The following TBC1D22A variants were observed in gnomAD, a reference collection of about 807,000 sequenced individuals.
The protein encoded by TBC1D22A is TBC1 domain family member 22A, also known as putative GTPase activator.
TBC1D22A carries 38 observed loss-of-function variants against 60.2 expected under a neutral mutation model. The observed-to-expected ratio is 0.63, with a 90% CI of 0.49 to 0.83. TBC1D22A has a LOEUF of 0.83. TBC1D22A is among the 40% of genes least tolerant of loss of function. TBC1D22A has a pLI of 0.00. For synonymous variants in TBC1D22A, 302 were observed against 281.7 expected (o/e 1.07, Z -0.72); for missense variants, 628 against 701.0 (o/e 0.90, Z 1.18).
chr22:46,854,143 C>T (rs1454244987), intron 4 of TBC1D22A, among the ~76,000 whole-genome samples: 1 of 152,200 alleles, frequency 6.6e-6, no homozygotes, highest in Non-Finnish European at 1.5e-5. Context: ...CCTCATTGCC[C>T]AGTGTCCGTG....
chr22:47,066,140 C>T (rs186665428), intron 11 of TBC1D22A, among the ~76,000 whole-genome samples: 2 of 152,360 alleles, frequency 1.3e-5, no homozygotes, highest in East Asian at 3.9e-4. Context: ...ATTTTGGGAA[C>T]TAAGCTGCTG....
At chr22:46,906,411 G>A (rs1107131) in intron 7 of TBC1D22A, among the ~76,000 whole-genome samples, 60,021 of 151,884 alleles carry the variant, frequency 0.4, 14,191 homozygotes, top group East Asian at 0.66. Flanking sequence ...TTTAGGATAG[G>A]TTAGCTGCCT....
At chr22:46,812,705 AG>A (rs943060412) in intron 4 of TBC1D22A, among the ~76,000 whole-genome samples, 2 of 152,246 alleles carry the variant, frequency 1.3e-5, no homozygotes, top group African/African-American at 4.8e-5. Context: ...TTGAAGATGC[AG>A]CCAGGTAACT....
chr22:47,115,459 C>T (rs2066006355), intron 12 of TBC1D22A, among the ~76,000 whole-genome samples: 2 of 151,734 alleles, frequency 1.3e-5, no homozygotes, highest in Admixed American at 1.3e-4. Context: ...ACAGCATGGA[C>T]TGTGCCTTCC....
At chr22:46,999,409 T>G (rs1258282232) in intron 10 of TBC1D22A, among the ~76,000 whole-genome samples, 2 of 152,196 alleles carry the variant, frequency 1.3e-5, no homozygotes, top group Admixed American at 6.5e-5. Context: ...GTTGAGAGGT[T>G]AAACTGTCTA....
At chr22:46,849,178 A>G (rs1300487789) in intron 4 of TBC1D22A, among the ~76,000 whole-genome samples, 1 of 152,134 alleles carries the variant, frequency 6.6e-6, no homozygotes, top group African/African-American at 2.4e-5. Flanking sequence ...TTCTGTGGCA[A>G]TGCTGTCTGC....
intron 8 of TBC1D22A, among the ~76,000 whole-genome samples, chr22:46,924,679 A>G (rs953062518): frequency 4.6e-5 from 7 of 152,082 alleles, no homozygotes; most frequent in Admixed American, 2.6e-4. Context: ...CGGGAGGTGG[A>G]GGTTGCAGTG....
intron 12 of TBC1D22A, among the ~76,000 whole-genome samples, chr22:47,128,889 A>G (rs981398381): frequency 2.0e-5 from 3 of 152,336 alleles, no homozygotes; most frequent in East Asian, 1.9e-4. Context: ...GGCAATATGC[A>G]TGAGGCAGGC....
intron 12 of TBC1D22A, chr22:47,116,942 AG>A (rs1358440035): frequency 6.6e-6 from 1 of 152,418 alleles, no homozygotes; most frequent in Non-Finnish European, 1.5e-5. Context: ...TCTGCTCTCA[AG>A]GGGCAGGGCG....
intron 9 of TBC1D22A, 95 bp downstream of exon 9, chr22:46,974,494 C>T: frequency 2.0e-6 from 2 of 981,764 alleles, no homozygotes; most frequent in Non-Finnish European, 3.1e-6. Flanking sequence ...CTCAGTGTGG[C>T]CATGCAGTCC....
At chr22:46,983,040 G>A (rs1476286505) in intron 9 of TBC1D22A, among the ~76,000 whole-genome samples, 2 of 152,230 alleles carry the variant, frequency 1.3e-5, no homozygotes, top group African/African-American at 2.4e-5. Flanking sequence ...TGTAGTCATC[G>A]GGTCTGGGCT....
chr22:47,002,579 A>G (rs923437347), intron 10 of TBC1D22A, among the ~76,000 whole-genome samples: 1 of 152,252 alleles, frequency 6.6e-6, no homozygotes, highest in African/African-American at 2.4e-5. Flanking sequence ...CCATTTGATT[A>G]TGTCCATTCT....
chr22:47,095,931 C>G (rs1027260138), intron 11 of TBC1D22A, among the ~76,000 whole-genome samples: 1 of 152,200 alleles, frequency 6.6e-6, no homozygotes, highest in Non-Finnish European at 1.5e-5. Context: ...CCTGGCTGAC[C>G]CCAAGGCTGA....
intron 2 of TBC1D22A, among the ~76,000 whole-genome samples, chr22:46,792,972 C>A (rs1015196909): frequency 6.6e-6 from 1 of 152,264 alleles, no homozygotes; most frequent in Non-Finnish European, 1.5e-5. Flanking sequence ...CAGGCGGGAG[C>A]GCAGAGTGTG....
At chr22:46,991,151 A>G (rs1001292806) in intron 9 of TBC1D22A, among the ~76,000 whole-genome samples, 4 of 152,094 alleles carry the variant, frequency 2.6e-5, no homozygotes, top group Non-Finnish European at 5.9e-5. Flanking sequence ...TCCTCTCTCC[A>G]TTTCACAGAT....
At chr22:46,916,124 T>C in intron 8 of TBC1D22A, 1 of 427,624 alleles carries the variant, frequency 2.3e-6, no homozygotes, top group Non-Finnish European at 4.1e-6. Flanking sequence ...CATAGGAGGT[T>C]GTCTCATTGC....
intron 4 of TBC1D22A, among the ~76,000 whole-genome samples, chr22:46,803,623 C>T (rs1383316162): frequency 6.6e-6 from 1 of 152,154 alleles, no homozygotes; most frequent in South Asian, 2.1e-4. Context: ...TACACTTGCG[C>T]GTGTCTGTGT....
intron 11 of TBC1D22A, among the ~76,000 whole-genome samples, chr22:47,101,395 C>A (rs73170444): frequency 0.031 from 4,792 of 152,324 alleles, 107 homozygotes; most frequent in Non-Finnish European, 0.05. Context: ...GCCTCTAGAG[C>A]CTGTCACTGC....
intron 4 of TBC1D22A, among the ~76,000 whole-genome samples, chr22:46,836,764 C>G (rs1012306597): frequency 6.6e-6 from 1 of 152,054 alleles, no homozygotes; most frequent in Non-Finnish European, 1.5e-5. Flanking sequence ...GACACATAGG[C>G]TGAAAGTGAA....
Sources: allele counts gnomAD v4.1 joint callset (sites outside exome capture counted in the v4.1 genomes callset), GRCh38; gene constraint gnomAD v4.1.1; transcripts MANE v1.5; gene names NCBI Gene and HGNC (gene_info 2026-07-23, HGNC 2026-07-21).